SCHIP1: variants seen among roughly 807,000 people sequenced by gnomAD.
SCHIP1 encodes schwannomin interacting protein 1, also known as schwannomin-interacting protein 1.
SCHIP1 carries 8 observed loss-of-function variants against 29.7 expected under a neutral mutation model. The observed-to-expected ratio is 0.27, with a 90% confidence interval of 0.16 to 0.49. The LOEUF is 0.49. Among genes scored for constraint, SCHIP1 ranks in the 20% least tolerant of loss-of-function variants. The pLI is 0.99. For missense variants in SCHIP1, 193 were observed against 294.6 expected, an observed-to-expected ratio of 0.66 and a Z score of 2.52; for synonymous variants, 76 against 94.9, an observed-to-expected ratio of 0.80 and a Z score of 1.16.
the SCHIP1 span, among the ~76,000 whole-genome samples, chr3:159,493,539 C>T: frequency 7.2e-5 from 11 of 151,996 alleles, no homozygotes; most frequent in Non-Finnish European, 1.3e-4. Context: ...ATCAATTCAA[C>T]AAGAAGAGCT....
chr3:159,828,340 G>T, the SCHIP1 span, among the ~76,000 whole-genome samples: 2 of 144,102 alleles, frequency 1.4e-5, no homozygotes, highest in African/African-American at 2.6e-5. Context: ...AACTTTGGAT[G>T]AATTAGCATT....
exon 7 of SCHIP1, chr3:159,896,805 G>T (rs1718112890): frequency 6.3e-7 from 1 of 1,588,146 alleles, no homozygotes; most frequent in Non-Finnish European, 8.6e-7. Context: ...GAACAAGCTA[G>T]AATTTATTTT....
the SCHIP1 span, among the ~76,000 whole-genome samples, chr3:159,369,293 C>A: frequency 6.6e-6 from 1 of 152,172 alleles, no homozygotes. Flanking sequence ...ACCATAAAAT[C>A]CTTTTTCAAT....
chr3:159,495,017 C>G, the SCHIP1 span, among the ~76,000 whole-genome samples: 2 of 152,312 alleles, frequency 1.3e-5, no homozygotes, highest in South Asian at 4.1e-4. Flanking sequence ...ACATGATTAT[C>G]TCAATAGATG....
chr3:159,515,291 C>T, the SCHIP1 span, among the ~76,000 whole-genome samples: 5 of 151,956 alleles, frequency 3.3e-5, no homozygotes, highest in Non-Finnish European at 7.4e-5. Context: ...CAGATCTGGA[C>T]CCTCAATACC....
At chr3:159,665,909 C>T in the SCHIP1 span, among the ~76,000 whole-genome samples, 1 of 152,284 alleles carries the variant, frequency 6.6e-6, no homozygotes, top group South Asian at 2.1e-4. Flanking sequence ...ATTGCCTGCT[C>T]AGGTTAGGCG....
At chr3:159,575,534 C>T in the SCHIP1 span, among the ~76,000 whole-genome samples, 24 of 152,178 alleles carry the variant, frequency 1.6e-4, no homozygotes, top group Non-Finnish European at 3.1e-4. Flanking sequence ...TTCCCAGGCT[C>T]AAGCGATCCT....
the SCHIP1 span, among the ~76,000 whole-genome samples, chr3:159,515,657 T>C: frequency 2.0e-5 from 3 of 152,212 alleles, no homozygotes; most frequent in African/African-American, 7.2e-5. Context: ...AAGGCATATA[T>C]AGTGCAATAA....
the SCHIP1 span, among the ~76,000 whole-genome samples, chr3:159,314,658 C>T: frequency 1.3e-5 from 2 of 152,126 alleles, no homozygotes; most frequent in African/African-American, 4.8e-5. Flanking sequence ...CTGAAAACAG[C>T]AAAACAAAAG....
the SCHIP1 span, among the ~76,000 whole-genome samples, chr3:159,299,330 T>C: frequency 6.6e-6 from 1 of 152,188 alleles, no homozygotes. Context: ...GACTGTTTTA[T>C]CCTCTTACTC....
At chr3:159,321,384 C>T in the SCHIP1 span, among the ~76,000 whole-genome samples, 9 of 152,228 alleles carry the variant, frequency 5.9e-5, no homozygotes, top group South Asian at 8.3e-4. Context: ...GGATAAATAG[C>T]TAGGAAGCTG....
At chr3:159,553,999 TGTGTGTGTGTGTGTGTGTGTTTGTG>T in the SCHIP1 span, among the ~76,000 whole-genome samples, 3 of 125,786 alleles carry the variant, frequency 2.4e-5, no homozygotes, top group African/African-American at 1.2e-4. Context: ...TGTGTGTGTG[TGTGTGTGTGTGTGTGTGTGTTTGTG>T]TATGTGTGTG....
chr3:159,591,967 G>C, the SCHIP1 span, among the ~76,000 whole-genome samples: 1 of 147,998 alleles, frequency 6.8e-6, no homozygotes, highest in Non-Finnish European at 1.5e-5. Flanking sequence ...AATGTGGAGG[G>C]CCCTCAAAAA....
the SCHIP1 span, among the ~76,000 whole-genome samples, chr3:159,335,802 A>G: frequency 6.6e-6 from 1 of 152,224 alleles, no homozygotes; most frequent in Non-Finnish European, 1.5e-5. Flanking sequence ...CGCAATAAGC[A>G]TACGTGTGCA....
chr3:159,491,301 C>T, the SCHIP1 span, among the ~76,000 whole-genome samples: 35 of 152,314 alleles, frequency 2.3e-4, no homozygotes, highest in African/African-American at 7.0e-4. Context: ...CGAAGCAGGG[C>T]GAGGCATCGC....
chr3:159,655,079 A>G, the SCHIP1 span, among the ~76,000 whole-genome samples: 1 of 151,804 alleles, frequency 6.6e-6, no homozygotes, highest in Non-Finnish European at 1.5e-5. Context: ...TCTGGGTTCA[A>G]CTCCCAGCTC....
the SCHIP1 span, among the ~76,000 whole-genome samples, chr3:159,507,418 A>G: frequency 6.6e-5 from 10 of 152,254 alleles, no homozygotes; most frequent in African/African-American, 1.9e-4. Flanking sequence ...GCAAACAGGG[A>G]CAATTTGACT....
chr3:159,327,112 T>A, the SCHIP1 span, among the ~76,000 whole-genome samples: 20 of 152,204 alleles, frequency 1.3e-4, no homozygotes, highest in Non-Finnish European at 2.6e-4. Context: ...TAAAGGAAAT[T>A]ACCTGCTCTA....
At chr3:159,862,968 C>T (rs539492407) in intron 1 of SCHIP1, among the ~76,000 whole-genome samples, 1 of 152,308 alleles carries the variant, frequency 6.6e-6, no homozygotes, top group Admixed American at 6.5e-5. Flanking sequence ...AATGTTCACA[C>T]TTAGCTGATC....
Sources: gnomAD v4.1 joint callset for allele counts (sites outside exome capture counted in the v4.1 genomes callset) on GRCh38, gnomAD v4.1.1 for gene constraint, MANE v1.5 for transcripts, NCBI Gene and HGNC (gene_info 2026-07-23, HGNC 2026-07-21) for gene names.